The following RPSA2 variants were observed in gnomAD, a reference collection of about 807,000 sequenced individuals.
RPSA2 encodes the protein ribosomal protein SA 2, also known as small ribosomal subunit protein uS2B.
the RPSA2 span, among the ~76,000 whole-genome samples, chr19:23,846,100 T>G: frequency 2.1e-3 from 324 of 152,286 alleles, 1 homozygote; most frequent in African/African-American, 7.5e-3. Flanking sequence ...TTAATAATAT[T>G]TCTTTTTAAA....
chr19:23,777,385 C>T, the RPSA2 span, among the ~76,000 whole-genome samples: 3 of 152,198 alleles, frequency 2.0e-5, no homozygotes, highest in African/African-American at 4.8e-5. Flanking sequence ...TCTTTTCATT[C>T]ATCACCCAGG....
At chr19:23,843,179 G>A in the RPSA2 span, 311 of 207,348 alleles carry the variant, frequency 1.5e-3, 8 homozygotes, top group South Asian at 0.021. Context: ...TAACAAATCA[G>A]GCTGTGGTGT....
the RPSA2 span, chr19:23,831,975 TAA>T: frequency 2.6e-6 from 1 of 380,480 alleles, no homozygotes; most frequent in East Asian, 6.3e-5. Flanking sequence ...CCTACAAATG[TAA>T]AAAATGTGGA....
chr19:23,856,506 A>T, the RPSA2 span, among the ~76,000 whole-genome samples: 1 of 152,122 alleles, frequency 6.6e-6, no homozygotes. Flanking sequence ...CTCACCAATC[A>T]TCAGGGAGCC....
the RPSA2 span, among the ~76,000 whole-genome samples, chr19:23,809,983 G>T: frequency 1.5e-4 from 1 of 6,520 alleles, no homozygotes; most frequent in Non-Finnish European, 4.6e-3. Context: ...ATAAATTTTT[G>T]TTTGGCCCCC....
chr19:23,766,091 T>C, the RPSA2 span, among the ~76,000 whole-genome samples: 2 of 151,690 alleles, frequency 1.3e-5, no homozygotes, highest in Non-Finnish European at 2.9e-5. Flanking sequence ...GTGGGTGTCA[T>C]TGTTTAATAG....
chr19:23,763,769 C>T, the RPSA2 span, among the ~76,000 whole-genome samples: 1 of 152,286 alleles, frequency 6.6e-6, no homozygotes, highest in South Asian at 2.1e-4. Context: ...TGCGCCAAGC[C>T]TCTTCTCTTA....
chr19:23,802,549 T>C, the RPSA2 span, among the ~76,000 whole-genome samples: 1 of 152,212 alleles, frequency 6.6e-6, no homozygotes, highest in Non-Finnish European at 1.5e-5. Context: ...TTAATTTTGC[T>C]TCTGTCTTAC....
chr19:23,840,510 C>G, the RPSA2 span, among the ~76,000 whole-genome samples: 4 of 152,122 alleles, frequency 2.6e-5, no homozygotes, highest in African/African-American at 9.7e-5. Context: ...AATGCTCCAT[C>G]AGCTCTATGA....
the RPSA2 span, among the ~76,000 whole-genome samples, chr19:23,867,802 C>T: frequency 1.4e-5 from 2 of 147,466 alleles, no homozygotes; most frequent in Non-Finnish European, 3.0e-5. Context: ...TGCACTCCAG[C>T]CTGGGCGACA....
chr19:23,828,384 G>C, the RPSA2 span, among the ~76,000 whole-genome samples: 1 of 143,818 alleles, frequency 7.0e-6, no homozygotes, highest in East Asian at 2.1e-4. Flanking sequence ...GTATACTTTT[G>C]AGGTTGGTGT....
chr19:23,856,745 A>G, the RPSA2 span, among the ~76,000 whole-genome samples: 20 of 152,286 alleles, frequency 1.3e-4, no homozygotes, highest in East Asian at 3.5e-3. Context: ...TGGGGGTGAC[A>G]TCACATATCG....
At chr19:23,811,490 T>A in the RPSA2 span, among the ~76,000 whole-genome samples, 1 of 149,742 alleles carries the variant, frequency 6.7e-6, no homozygotes, top group Non-Finnish European at 1.5e-5. Context: ...ATTTTCTTGC[T>A]GTCAGGGGAT....
the RPSA2 span, chr19:23,827,700 G>A: frequency 9.8e-5 from 156 of 1,592,582 alleles, no homozygotes; most frequent in South Asian, 1.9e-4. Flanking sequence ...ATGCTGGCTC[G>A]GGAAGTTCTG....
chr19:23,825,336 A>C, the RPSA2 span, among the ~76,000 whole-genome samples: 1 of 152,202 alleles, frequency 6.6e-6, no homozygotes, highest in African/African-American at 2.4e-5. Context: ...CACATTCATT[A>C]ATTGTGTTTT....
the RPSA2 span, chr19:23,831,462 A>G: frequency 6.6e-6 from 1 of 152,354 alleles, no homozygotes; most frequent in East Asian, 1.9e-4. Context: ...TCTATAAATG[A>G]ATTAGAGCCT....
chr19:23,867,837 A>C, the RPSA2 span, among the ~76,000 whole-genome samples: 363 of 152,170 alleles, frequency 2.4e-3, 1 homozygote, highest in Non-Finnish European at 4.0e-3. Flanking sequence ...CTCAAAAAAA[A>C]AAAAAAAAAA....
At chr19:23,788,089 T>C in the RPSA2 span, among the ~76,000 whole-genome samples, 1 of 152,152 alleles carries the variant, frequency 6.6e-6, no homozygotes, top group Admixed American at 6.6e-5. Context: ...TCTTGGCCAG[T>C]CGCCTAAATG....
the RPSA2 span, among the ~76,000 whole-genome samples, chr19:23,847,771 A>G: frequency 6.6e-6 from 1 of 152,326 alleles, no homozygotes; most frequent in East Asian, 1.9e-4. Context: ...TCTCAAACAC[A>G]TAGGACAGAA....
Sources: allele counts gnomAD v4.1 joint callset (sites outside exome capture counted in the v4.1 genomes callset), GRCh38; gene constraint gnomAD v4.1.1; transcripts MANE v1.5; gene names NCBI Gene and HGNC (gene_info 2026-07-23, HGNC 2026-07-21).